FBP1: variants seen among roughly 807,000 people sequenced by gnomAD.
The protein encoded by FBP1 is fructose-bisphosphatase 1, also known as fructose-1,6-bisphosphatase 1.
In FBP1, 22 loss-of-function variants were observed where a neutral mutation model predicts 29.9. That is an observed-to-expected ratio of 0.74 (90% CI 0.53 to 1.05). FBP1 has a LOEUF of 1.05. Among genes scored for constraint, FBP1 ranks in the 50% least tolerant of loss-of-function variants. FBP1 has a pLI of 0.00. For missense variants in FBP1, 345 were observed against 448.2 expected, an observed-to-expected ratio of 0.77 and a Z score of 2.08; for synonymous variants, 175 against 178.6, an observed-to-expected ratio of 0.98 and a Z score of 0.16.
At chr9:94,606,273 G>T (rs1827698859) in intron 5 of FBP1, among the ~76,000 whole-genome samples, 1 of 152,120 alleles carries the variant, frequency 6.6e-6, no homozygotes, top group African/African-American at 2.4e-5. Context: ...TCACTAGCTT[G>T]TAACCTCTTT....
intron 1 of FBP1, among the ~76,000 whole-genome samples, chr9:94,624,666 AAAAG>A (rs1309390872): frequency 6.6e-6 from 1 of 152,220 alleles, no homozygotes; most frequent in East Asian, 1.9e-4. Flanking sequence ...AAAAATAAAA[AAAAG>A]AAAGAATGGG....
chr9:94,639,093 C>T, intron 1 of FBP1, 48 bp downstream of exon 1: 1 of 1,551,786 alleles, frequency 6.4e-7, no homozygotes. Context: ...GGGCAGGCTC[C>T]CCAGGCAGAC....
intron 3 of FBP1, among the ~76,000 whole-genome samples, chr9:94,613,267 A>C (rs764359526): frequency 3.5e-4 from 53 of 152,222 alleles, no homozygotes; most frequent in Non-Finnish European, 6.5e-4. Flanking sequence ...AAAGATGTTC[A>C]GCTTAAAGGG....
chr9:94,610,564 C>T (rs748251347), intron 3 of FBP1, among the ~76,000 whole-genome samples: 4 of 152,204 alleles, frequency 2.6e-5, no homozygotes, highest in Admixed American at 6.5e-5. Flanking sequence ...TTCTCAGAAA[C>T]GTAGGAACTC....
chr9:94,604,884 G>T (rs1351657504), intron 6 of FBP1, among the ~76,000 whole-genome samples: 1 of 152,220 alleles, frequency 6.6e-6, no homozygotes, highest in African/African-American at 2.4e-5. Context: ...CTCTGAGCGA[G>T]CGTGAGGGAG....
intron 1 of FBP1, among the ~76,000 whole-genome samples, chr9:94,630,841 T>C (rs1400730781): frequency 6.6e-6 from 1 of 152,112 alleles, no homozygotes. Context: ...GCCATGTTTG[T>C]GGGGATCATG....
chr9:94,603,747 C>T, intron 6 of FBP1, 175 bp from the exon 7 acceptor site: 4 of 675,588 alleles, frequency 5.9e-6, no homozygotes, highest in Non-Finnish European at 1.1e-5. Flanking sequence ...GCATCTGAGA[C>T]AAAACAGTTA....
chr9:94,607,598 C>T (rs983339111), intron 4 of FBP1, among the ~76,000 whole-genome samples: 1 of 152,114 alleles, frequency 6.6e-6, no homozygotes, highest in South Asian at 2.1e-4. Context: ...TAAGCTTATG[C>T]CTTTAAGCTT....
At chr9:94,638,173 T>C (rs1828223725) in intron 1 of FBP1, among the ~76,000 whole-genome samples, 1 of 150,904 alleles carries the variant, frequency 6.6e-6, no homozygotes, top group Admixed American at 6.6e-5. Context: ...ACAAAAAACC[T>C]CACAAGAAGG....
chr9:94,633,933 C>G (rs1275012406), intron 1 of FBP1, among the ~76,000 whole-genome samples: 2 of 151,260 alleles, frequency 1.3e-5, no homozygotes, highest in Non-Finnish European at 3.0e-5. Context: ...GTCTCGATCT[C>G]CTGACCTCGT....
rs1827760551 is a variant in FBP1, at chr9:94,610,037, T to G, written c.451A>C (p.Lys151Gln). 1 of 1,614,170 alleles carries G rather than the reference T, an allele frequency of 6.2e-7. No homozygotes were observed. The part of the protein sequence containing the change: ...RKKSTDEPSE[K>Q]DALQPGRNLV... ...TTCCGGCCTGGTTGCAGAGCATCCT[T>G]CTCAGAAGGCTCATCAGTTGATTTC... Residue 151 changes from lysine (K) to glutamine (Q), a missense_variant, in exon 4 of 7, where the codon AAG becomes CAG. Transcript: ENST00000375326.
At chr9:94,605,420 A>G in intron 6 of FBP1, 37 bp downstream of exon 6, 1 of 1,609,026 alleles carries the variant, frequency 6.2e-7, no homozygotes, top group South Asian at 1.1e-5. Flanking sequence ...TGCAAGTGAA[A>G]TCTGCTCCTC....
chr9:94,632,121 A>T (rs1181211348), intron 1 of FBP1, among the ~76,000 whole-genome samples: 1 of 152,130 alleles, frequency 6.6e-6, no homozygotes, highest in Non-Finnish European at 1.5e-5. Context: ...GTATTAGCTG[A>T]CGTGTCATTC....
intron 3 of FBP1, among the ~76,000 whole-genome samples, chr9:94,611,972 C>G (rs1827793019): frequency 6.6e-6 from 1 of 152,192 alleles, no homozygotes; most frequent in African/African-American, 2.4e-5. Flanking sequence ...CACCGCTTCC[C>G]TGCCCCTCCT....
chr9:94,631,848 C>T (rs1828108677), intron 1 of FBP1, among the ~76,000 whole-genome samples: 1 of 152,094 alleles, frequency 6.6e-6, no homozygotes, highest in Non-Finnish European at 1.5e-5. Flanking sequence ...CAGGAACATC[C>T]AAAGGTTCAG....
intron 6 of FBP1, 99 bp downstream of exon 6, chr9:94,605,358 G>A (rs1377404546): frequency 1.6e-6 from 2 of 1,270,954 alleles, no homozygotes; most frequent in Non-Finnish European, 2.2e-6. Context: ...ACCTAGCATG[G>A]AGCGTAATAG....
intron 6 of FBP1, among the ~76,000 whole-genome samples, chr9:94,604,964 T>C (rs533407191): frequency 2.0e-5 from 3 of 152,328 alleles, no homozygotes; most frequent in African/African-American, 7.2e-5. Context: ...ACGGCTCACC[T>C]GAAAGCTCTA....
At chr9:94,635,586 G>A (rs1828180087) in intron 1 of FBP1, among the ~76,000 whole-genome samples, 1 of 152,184 alleles carries the variant, frequency 6.6e-6, no homozygotes, top group South Asian at 2.1e-4. Flanking sequence ...TTCAATGCCT[G>A]GAATGAATGT....
At chr9:94,606,007 AG>A (rs1827694099) in intron 5 of FBP1, among the ~76,000 whole-genome samples, 1 of 152,108 alleles carries the variant, frequency 6.6e-6, no homozygotes, top group Admixed American at 6.6e-5. Flanking sequence ...ATGGTCCTGG[AG>A]GAGGAGCCTG....
Sources: gnomAD v4.1 joint callset for allele counts (sites outside exome capture counted in the v4.1 genomes callset) on GRCh38, gnomAD v4.1.1 for gene constraint, MANE v1.5 for transcripts, NCBI Gene and HGNC (gene_info 2026-07-23, HGNC 2026-07-21) for gene names.